The following SH3RF3 variants were observed in gnomAD, a reference collection of about 807,000 sequenced individuals.
SH3RF3 encodes the protein E3 ubiquitin-protein ligase SH3RF3.
A neutral mutation model predicts 66.3 loss-of-function variants in SH3RF3; 29 were observed. The ratio of observed to expected loss-of-function variants is 0.44; its 90% confidence interval spans 0.33 to 0.60. The LOEUF (loss-of-function observed/expected upper bound fraction) is 0.60. Among genes scored for constraint, SH3RF3 ranks in the 20% least tolerant of loss-of-function variants. SH3RF3 has a pLI of 0.04. For synonymous variants in SH3RF3, 583 were observed against 532.0 expected, an observed-to-expected ratio of 1.10 and a Z score of -1.32; for missense variants, 1,194 against 1,190.9, an observed-to-expected ratio of 1.00 and a Z score of -0.04.
At chr2:109,451,892 T>C (rs954827625) in intron 8 of SH3RF3, among the ~76,000 whole-genome samples, 1 of 152,220 alleles carries the variant, frequency 6.6e-6, no homozygotes, top group African/African-American at 2.4e-5. Flanking sequence ...GTGGGAGCAG[T>C]CCACGCTGCA....
chr2:109,382,073 A>G (rs1426793477), intron 3 of SH3RF3, among the ~76,000 whole-genome samples: 1 of 152,130 alleles, frequency 6.6e-6, no homozygotes, highest in Non-Finnish European at 1.5e-5. Flanking sequence ...GCTTATGAGA[A>G]AGGGGTGTTT....
chr2:109,398,757 T>C lies in SH3RF3; in HGVS notation c.1113T>C (p.Asp371=), dbSNP rs369328436. 1.5e-5 allele frequency: 25 copies of C among 1,613,558 alleles called. No individual in the cohort carries two copies. The East Asian group carries it at 2.9e-4, about 19-fold the overall frequency. Reference sequence around the variant, plus strand: ...TCAGTGCCTTTCAGCGGCGTGTGGATGGCAAGAAGAACACCAAGAAACGCC... The same window carrying C: ...TCAGTGCCTTTCAGCGGCGTGTGGACGGCAAGAAGAACACCAAGAAACGCC... ...GAVSAFQRRV[D]GKKNTKKRHS... Residue 371 remains aspartate (D), a synonymous_variant, in exon 4 of 10, where the codon GAT becomes GAC. Transcript: ENST00000309415.
chr2:109,256,405 C>G (rs376949256), intron 1 of SH3RF3, among the ~76,000 whole-genome samples: 1 of 152,156 alleles, frequency 6.6e-6, no homozygotes, highest in Non-Finnish European at 1.5e-5. Flanking sequence ...GATGTCCTCC[C>G]CTGCAAGGAA....
intron 1 of SH3RF3, among the ~76,000 whole-genome samples, chr2:109,222,975 C>A (rs1259796522): frequency 6.6e-6 from 1 of 152,252 alleles, no homozygotes. Flanking sequence ...CTCCCATCAA[C>A]AGGGTCTGTA....
intron 3 of SH3RF3, among the ~76,000 whole-genome samples, chr2:109,390,215 A>T (rs920817624): frequency 6.6e-6 from 1 of 152,158 alleles, no homozygotes; most frequent in Admixed American, 6.5e-5. Flanking sequence ...AGAATAAGTG[A>T]TGCCCTTCAC....
At chr2:109,423,248 G>A (rs1676930661) in intron 5 of SH3RF3, among the ~76,000 whole-genome samples, 1 of 152,114 alleles carries the variant, frequency 6.6e-6, no homozygotes, top group South Asian at 2.1e-4. Flanking sequence ...GTGGCCAGCG[G>A]TTTTCATCCT....
chr2:109,334,665 A>G (rs1056236558), intron 1 of SH3RF3, among the ~76,000 whole-genome samples: 1 of 152,188 alleles, frequency 6.6e-6, no homozygotes, highest in Non-Finnish European at 1.5e-5. Context: ...AATAATGCAG[A>G]CAAGAGGGAA....
chr2:109,344,382 T>C (rs1222959065), intron 1 of SH3RF3, among the ~76,000 whole-genome samples: 1 of 152,154 alleles, frequency 6.6e-6, no homozygotes, highest in Non-Finnish European at 1.5e-5. Flanking sequence ...GAGCTCTGTC[T>C]GCAAAGCCCT....
chr2:109,214,719 C>G (rs1342787099), intron 1 of SH3RF3, among the ~76,000 whole-genome samples: 1 of 152,206 alleles, frequency 6.6e-6, no homozygotes, highest in Non-Finnish European at 1.5e-5. Context: ...GGGCTCCACT[C>G]CAGCTGCAAC....
intron 8 of SH3RF3, among the ~76,000 whole-genome samples, chr2:109,488,520 A>G (rs1324998984): frequency 6.6e-6 from 1 of 152,086 alleles, no homozygotes; most frequent in Non-Finnish European, 1.5e-5. Context: ...CCCTGCCTAC[A>G]TCGTGGCCTG....
intron 1 of SH3RF3, among the ~76,000 whole-genome samples, chr2:109,249,509 CA>C (rs1558981355): frequency 1.2e-3 from 77 of 66,376 alleles, no homozygotes; most frequent in Admixed American, 1.3e-3. Context: ...TTCTTTCTTT[CA>C]TTCTTTCTTT....
chr2:109,202,755 T>A (rs1168169108), intron 1 of SH3RF3, among the ~76,000 whole-genome samples: 1 of 152,142 alleles, frequency 6.6e-6, no homozygotes, highest in Non-Finnish European at 1.5e-5. Context: ...TCGACAGCCC[T>A]TCCCATACTA....
At chr2:109,336,466 A>G (rs974273490) in intron 1 of SH3RF3, among the ~76,000 whole-genome samples, 1 of 152,220 alleles carries the variant, frequency 6.6e-6, no homozygotes, top group Non-Finnish European at 1.5e-5. Context: ...GTACAAAGAA[A>G]TGTCCTGGTG....
intron 1 of SH3RF3, among the ~76,000 whole-genome samples, chr2:109,341,755 C>T (rs1266068957): frequency 6.6e-6 from 1 of 152,158 alleles, no homozygotes; most frequent in Admixed American, 6.5e-5. Context: ...GGCAGATTTC[C>T]TTATGCATGT....
At chr2:109,433,996 C>T (rs1056123189) in intron 6 of SH3RF3, among the ~76,000 whole-genome samples, 1 of 152,084 alleles carries the variant, frequency 6.6e-6, no homozygotes, top group African/African-American at 2.4e-5. Context: ...GTGTGCGCAG[C>T]CCCGAAGAAG....
At chr2:109,287,737 CTG>C (rs1681063034) in intron 1 of SH3RF3, among the ~76,000 whole-genome samples, 1 of 152,228 alleles carries the variant, frequency 6.6e-6, no homozygotes, top group Non-Finnish European at 1.5e-5. Flanking sequence ...GAGCTCTTCT[CTG>C]TGGCCTCTGC....
intron 1 of SH3RF3, among the ~76,000 whole-genome samples, chr2:109,134,790 G>A (rs909007706): frequency 6.6e-6 from 1 of 152,126 alleles, no homozygotes; most frequent in African/African-American, 2.4e-5. Flanking sequence ...TCCATTCACC[G>A]TGCCTCACGG....
chr2:109,203,534 G>A (rs1445830961), intron 1 of SH3RF3, among the ~76,000 whole-genome samples: 1 of 152,162 alleles, frequency 6.6e-6, no homozygotes, highest in African/African-American at 2.4e-5. Context: ...TGATCCCAGG[G>A]CATGCATTTG....
At chr2:109,403,594 G>A (rs1676372813) in intron 4 of SH3RF3, among the ~76,000 whole-genome samples, 1 of 152,250 alleles carries the variant, frequency 6.6e-6, no homozygotes, top group African/African-American at 2.4e-5. Flanking sequence ...GCAGGAGAAT[G>A]CCAGCAGGTC....
Sources: gnomAD v4.1 joint callset for allele counts (sites outside exome capture counted in the v4.1 genomes callset) on GRCh38, gnomAD v4.1.1 for gene constraint, MANE v1.5 for transcripts, NCBI Gene and HGNC (gene_info 2026-07-23, HGNC 2026-07-21) for gene names.